Variants in DMD observed in about 807,000 individuals in gnomAD.
The protein encoded by DMD is mutant dystrophin.
In DMD, 63 loss-of-function variants were observed where a neutral mutation model predicts 330.1. The observed-to-expected ratio is 0.19, with a 90% CI of 0.16 to 0.24. DMD has a LOEUF of 0.24. DMD is among the 10% of genes least tolerant of loss of function. The pLI is 1.00. For missense variants in DMD, 3,344 were observed against 2,684.1 expected (o/e 1.25, Z -5.43); for synonymous variants, 1,223 against 959.8 (o/e 1.27, Z -5.07).
At chrX:32,815,706 A>G (rs1026270300) in intron 6 of DMD, among the ~76,000 whole-genome samples, 7 of 109,459 alleles carry the variant, frequency 6.4e-5, no homozygotes, top group African/African-American at 2.3e-4. Flanking sequence ...AGCAAAAAAA[A>G]TCTTTTTCAT....
intron 62 of DMD, among the ~76,000 whole-genome samples, chrX:31,307,945 A>G (rs2055172378): frequency 9.0e-6 from 1 of 111,403 alleles, no homozygotes; most frequent in South Asian, 3.8e-4. Context: ...GGGCGGGGGT[A>G]TGGTTTCGAG....
In DMD at chrX:32,823,346, T is replaced by C. The variant is rs2078433503; in HGVS notation, c.306A>G (p.Gly102=). 8.3e-7 allele frequency: 1 copy of C among 1,207,517 alleles called. No individual in the cohort carries two copies. Among genetic ancestry groups the C allele is most frequent in the Non-Finnish European group, 1.1e-6 (1 of 893,295 alleles). The part of the protein sequence containing the change: ...VNIGSTDIVD[G]NHKLTLGLIW... ...TCAAACCAAGAGTCAGTTTATGATT[T>C]CCATCTACGATGTCAGTACTTCCAA... is the stretch of plus-strand genomic sequence containing the variant. The change falls in exon 5 of 79, where the codon GGA becomes GGG. Residue 102 remains glycine (G), a synonymous_variant. Coordinates refer to ENST00000357033, the MANE Select transcript of DMD (RefSeq NM_004006.3).
chrX:32,948,113 GACAC>G (rs3083093), intron 2 of DMD, among the ~76,000 whole-genome samples: 8,942 of 95,843 alleles, frequency 0.093, 972 homozygotes, highest in African/African-American at 0.3. Flanking sequence ...GAGAGAAACA[GACAC>G]ACACACACAC....
intron 44 of DMD, among the ~76,000 whole-genome samples, chrX:32,190,352 G>C: frequency 9.2e-6 from 1 of 108,607 alleles, no homozygotes; most frequent in Admixed American, 9.9e-5. Flanking sequence ...AACTCCATCA[G>C]AGACCACATA....
intron 17 of DMD, among the ~76,000 whole-genome samples, chrX:32,525,869 A>C (rs2046888203): frequency 8.9e-6 from 1 of 112,080 alleles, no homozygotes; most frequent in Admixed American, 9.5e-5. Flanking sequence ...AAAACCCTCA[A>C]GGAAAACACT....
chrX:32,646,564 A>C (rs1033450246), intron 9 of DMD, among the ~76,000 whole-genome samples: 3 of 111,438 alleles, frequency 2.7e-5, no homozygotes, highest in African/African-American at 9.8e-5. Context: ...GGGGGATTTC[A>C]TAATCTCACC....
At chrX:32,505,354 A>C (rs2044512719) in intron 18 of DMD, among the ~76,000 whole-genome samples, 1 of 112,376 alleles carries the variant, frequency 8.9e-6, no homozygotes, top group South Asian at 3.7e-4. Flanking sequence ...ATGGGCAAAA[A>C]TCCTTAACAG....
At chrX:31,728,798 T>C (rs757289323) in intron 52 of DMD, among the ~76,000 whole-genome samples, 13 of 111,753 alleles carry the variant, frequency 1.2e-4, no homozygotes, top group Admixed American at 4.7e-4. Flanking sequence ...TGAGGGGATA[T>C]TGCAGAGGAA....
intron 48 of DMD, among the ~76,000 whole-genome samples, chrX:31,855,508 A>G (rs1463601203): frequency 1.8e-5 from 2 of 112,387 alleles, no homozygotes; most frequent in African/African-American, 6.5e-5. Context: ...TAAAGATAAA[A>G]CAGCCATTAG....
chrX:32,505,473 C>A (rs995674999), intron 18 of DMD, among the ~76,000 whole-genome samples: 2 of 112,084 alleles, frequency 1.8e-5, no homozygotes. Context: ...CCACTACACA[C>A]CTATTAGAAT....
intron 44 of DMD, among the ~76,000 whole-genome samples, chrX:32,026,930 G>T (rs932798163): frequency 1.8e-5 from 2 of 110,758 alleles, no homozygotes; most frequent in African/African-American, 3.3e-5. Flanking sequence ...GATGGAAAAG[G>T]TATGCCTGCA....
intron 45 of DMD, among the ~76,000 whole-genome samples, chrX:31,944,627 G>A (rs1399302066): frequency 2.6e-4 from 27 of 103,743 alleles, no homozygotes; most frequent in Non-Finnish European, 3.1e-4. Flanking sequence ...ACAGGCGCCC[G>A]CCACCACTCC....
intron 44 of DMD, among the ~76,000 whole-genome samples, chrX:32,007,125 T>C (rs1295524825): frequency 2.9e-5 from 3 of 101,717 alleles, no homozygotes; most frequent in Non-Finnish European, 4.0e-5. Context: ...TGCTAAATGA[T>C]GAGCTAATGG....
At chrX:31,310,716 A>AT (rs1230035132) in intron 62 of DMD, among the ~76,000 whole-genome samples, 19,725 of 84,273 alleles carry the variant, frequency 0.23, 2,240 homozygotes, top group Admixed American at 0.25. Flanking sequence ...CATGCCAAGG[A>AT]TTTTTTTTTT....
At chrX:32,511,524 G>GGGAA (rs766801853) in intron 18 of DMD, among the ~76,000 whole-genome samples, 687 of 49,640 alleles carry the variant, frequency 0.014, 9 homozygotes, top group African/African-American at 0.028. Flanking sequence ...TCCGTCTCGG[G>GGGAA]AAAAAAAAAA....
intron 2 of DMD, among the ~76,000 whole-genome samples, chrX:32,949,251 TACACAC>T (rs10587318): frequency 0.098 from 8,792 of 89,359 alleles, 435 homozygotes; most frequent in East Asian, 0.23. Context: ...AATCGTTACA[TACACAC>T]ACACACACAC....
Position 31,354,524 on chromosome X carries a change from C to T in DMD, c.9085-5890G>A, listed in dbSNP as rs770223614. ...GTAAAACGGCAATTTATAAAACAAC[C>T]CTGAAGTCCAAATCTCCTCCACATT... On this transcript the variant is annotated intron_variant, in intron 60 of 78. Transcript: ENST00000357033. Among the ~76,000 whole-genome samples the T allele has an allele frequency of 5.4e-5, 6 of 110,628 alleles. No homozygotes were observed. The South Asian group carries it at 2.3e-3, about 43-fold the overall frequency.
intron 21 of DMD, among the ~76,000 whole-genome samples, chrX:32,474,200 T>TACACACAC (rs770330585): frequency 0.018 from 1,861 of 104,898 alleles, 39 homozygotes; most frequent in African/African-American, 0.047. Context: ...CATATATACA[T>TACACACAC]ACATACATAC....
At chrX:33,125,587 G>T (rs1224809774) in intron 1 of DMD, among the ~76,000 whole-genome samples, 1 of 111,553 alleles carries the variant, frequency 9.0e-6, no homozygotes, top group Non-Finnish European at 1.9e-5. Context: ...TGACTACAAT[G>T]AATGAACATA....
Sources: allele counts gnomAD v4.1 joint callset (sites outside exome capture counted in the v4.1 genomes callset), GRCh38; gene constraint gnomAD v4.1.1; transcripts MANE v1.5; gene names NCBI Gene and HGNC (gene_info 2026-07-23, HGNC 2026-07-21).